ANXA2: variants seen among roughly 807,000 people sequenced by gnomAD.
ANXA2 encodes annexin A2.
ANXA2 carries 28 observed loss-of-function variants against 47.3 expected under a neutral mutation model. That is an observed-to-expected ratio of 0.59 (90% confidence interval 0.44 to 0.81). The LOEUF (loss-of-function observed/expected upper bound fraction) is 0.81, where lower values mean the gene tolerates loss of function less well. Among genes scored for constraint, ANXA2 ranks in the 40% least tolerant of loss-of-function variants. The pLI is 0.00. For synonymous variants in ANXA2, 172 were observed against 155.5 expected (o/e 1.11, Z -0.79); for missense variants, 384 against 414.3 (o/e 0.93, Z 0.64).
chr15:60,381,143 C>T (rs948941334), intron 3 of ANXA2, among the ~76,000 whole-genome samples: 5 of 152,136 alleles, frequency 3.3e-5, no homozygotes, highest in Admixed American at 2.0e-4. Flanking sequence ...TAAACCAGGA[C>T]GTCATCCTAG....
intron 3 of ANXA2, among the ~76,000 whole-genome samples, chr15:60,367,462 G>A (rs1348237614): frequency 3.9e-5 from 2 of 51,588 alleles, no homozygotes; most frequent in Non-Finnish European, 7.1e-5. Context: ...CCTTCCGGCC[G>A]GCCGCCCCGT....
intron 10 of ANXA2, 162 bp from the exon 11 acceptor site, chr15:60,351,413 C>A: frequency 1.4e-6 from 1 of 717,620 alleles, no homozygotes; most frequent in East Asian, 2.7e-5. Context: ...AAATCCTCTG[C>A]AATACTAAGT....
chr15:60,389,527 T>C (rs2062979484), intron 1 of ANXA2, among the ~76,000 whole-genome samples: 1 of 152,208 alleles, frequency 6.6e-6, no homozygotes, highest in South Asian at 2.1e-4. Context: ...TCATGTTAAT[T>C]CTTCTCCCAC....
intron 1 of ANXA2, 26 bp from the exon 2 acceptor site, chr15:60,386,112 C>T (rs1173580581): frequency 2.6e-6 from 4 of 1,557,136 alleles, no homozygotes; most frequent in Non-Finnish European, 2.7e-6. Flanking sequence ...AACAAAAAGT[C>T]TTTATGAAGA....
intron 1 of ANXA2, among the ~76,000 whole-genome samples, chr15:60,395,042 T>C (rs2063063081): frequency 6.6e-6 from 1 of 152,154 alleles, no homozygotes; most frequent in Admixed American, 6.5e-5. Flanking sequence ...CAATTGAATC[T>C]GGAAGGCAGC....
At chr15:60,356,137 A>G (rs2062426484) in intron 6 of ANXA2, 139 bp from the exon 7 acceptor site, 11 of 636,834 alleles carry the variant, frequency 1.7e-5, no homozygotes. Context: ...TTAACCCCAA[A>G]CAGAGGAAGG....
intron 1 of ANXA2, 193 bp downstream of exon 1, chr15:60,397,749 GC>G: frequency 1.3e-6 from 1 of 774,448 alleles, no homozygotes; most frequent in Non-Finnish European, 1.7e-6. Flanking sequence ...CCTCACCCCT[GC>G]CCCAAACACC....
intron 1 of ANXA2, chr15:60,395,729 CAA>C (rs2063072822): frequency 6.6e-6 from 1 of 152,228 alleles, no homozygotes. Context: ...AGCTCCTAAT[CAA>C]AGTCAGTGAG....
chr15:60,353,506 C>T (rs2062379398), intron 8 of ANXA2, among the ~76,000 whole-genome samples: 1 of 152,180 alleles, frequency 6.6e-6, no homozygotes, highest in African/African-American at 2.4e-5. Flanking sequence ...ATATGTGAGT[C>T]ACGTATTGAT....
intron 1 of ANXA2, chr15:60,393,025 T>C: frequency 7.8e-7 from 1 of 1,287,718 alleles, no homozygotes; most frequent in East Asian, 5.6e-5. Context: ...ACTGCATCTT[T>C]ATTTATCAGA....
chr15:60,364,314 A>G, intron 4 of ANXA2, 115 bp downstream of exon 4: 1 of 792,464 alleles, frequency 1.3e-6, no homozygotes. Context: ...TTAGATATCC[A>G]AGGGTCCCAC....
intron 3 of ANXA2, among the ~76,000 whole-genome samples, chr15:60,376,406 G>A (rs1486462317): frequency 5.3e-5 from 8 of 151,762 alleles, no homozygotes; most frequent in African/African-American, 1.9e-4. Context: ...AGACGACGAC[G>A]ACAGATGCCA....
intron 3 of ANXA2, among the ~76,000 whole-genome samples, chr15:60,380,416 T>C (rs1376885708): frequency 6.6e-6 from 1 of 150,694 alleles, no homozygotes; most frequent in Non-Finnish European, 1.5e-5. Context: ...GAACTGGCTG[T>C]AGTGAAATAA....
chr15:60,354,121 A>C (rs775545362), intron 8 of ANXA2, 33 bp downstream of exon 8: 29 of 1,601,272 alleles, frequency 1.8e-5, no homozygotes, highest in Non-Finnish European at 2.2e-5. Flanking sequence ...TTACCAGAAA[A>C]CAAAAACTCA....
At chr15:60,353,951 A>G (rs978954674) in intron 8 of ANXA2, among the ~76,000 whole-genome samples, 6 of 152,194 alleles carry the variant, frequency 3.9e-5, no homozygotes, top group Non-Finnish European at 8.8e-5. Flanking sequence ...TTTGTCTGCA[A>G]CCTCAGAAAA....
intron 3 of ANXA2, among the ~76,000 whole-genome samples, chr15:60,369,362 G>C (rs2062682664): frequency 6.6e-6 from 1 of 152,132 alleles, no homozygotes; most frequent in Non-Finnish European, 1.5e-5. Flanking sequence ...AAAACCACTT[G>C]TTTATTAACG....
chr15:60,374,110 A>G (rs925279242), intron 3 of ANXA2, among the ~76,000 whole-genome samples: 1 of 152,180 alleles, frequency 6.6e-6, no homozygotes, highest in Non-Finnish European at 1.5e-5. Context: ...TTGGTCCAAA[A>G]ATCAGATTTC....
At chr15:60,390,338 C>CT (rs1055154312) in intron 1 of ANXA2, 1 of 893,078 alleles carries the variant, frequency 1.1e-6, no homozygotes, top group African/African-American at 1.8e-5. Context: ...AATATGGCCA[C>CT]TTTCCTCCCA....
At chr15:60,385,971 T>A in intron 2 of ANXA2, 57 bp downstream of exon 2, 1 of 1,161,102 alleles carries the variant, frequency 8.6e-7, no homozygotes, top group Non-Finnish European at 1.3e-6. Flanking sequence ...GTAATATGGT[T>A]ATCCAGAGAG....
Sources: allele counts gnomAD v4.1 joint callset (sites outside exome capture counted in the v4.1 genomes callset), GRCh38; gene constraint gnomAD v4.1.1; transcripts MANE v1.5; gene names NCBI Gene and HGNC (gene_info 2026-07-23, HGNC 2026-07-21).